The following DST variants were observed in gnomAD, a reference collection of about 807,000 sequenced individuals.
The protein encoded by DST is dystonin.
A neutral mutation model predicts 875.2 loss-of-function variants in DST; 253 were observed. The observed-to-expected ratio is 0.29, with a 90% CI of 0.26 to 0.32. The LOEUF (loss-of-function observed/expected upper bound fraction) is 0.32. Among genes scored for constraint, DST ranks in the 10% least tolerant of loss-of-function variants. DST has a pLI of 1.00. For synonymous variants in DST, 3,124 were observed against 3,197.1 expected (o/e 0.98, Z 0.77); for missense variants, 8,287 against 9,111.6 (o/e 0.91, Z 3.68).
Position 56,605,108 on chromosome 6 carries a change from G to A in DST, c.9520C>T (p.Pro3174Ser). The A allele has an allele frequency of 1.2e-6, 2 of 1,612,604 alleles. No homozygotes were observed. The highest frequency in any genetic ancestry group is 1.7e-6 in the Non-Finnish European group (2 of 1,179,290). Residue 3174 changes from proline to serine, a missense_variant, in exon 40 of 104, where the codon CCT (proline) becomes TCT (serine). Physicochemically the swap from Pro to Ser is moderately conservative, Grantham distance 74. Coordinates refer to ENST00000680361, the MANE Select transcript of DST (RefSeq NM_001374736.1). ...GTAAACAGATCAAGCTCTTTCTCAG[G>A]TCCATCAGTGAATGACTCCTCAAAA... ...THFEESFTDGPEKELDLFTYL... is the reference protein window; with the variant it reads ...THFEESFTDGSEKELDLFTYL...
chr6:56,910,761 A>T (rs985070715), intron 2 of DST, among the ~76,000 whole-genome samples: 2 of 152,206 alleles, frequency 1.3e-5, no homozygotes, highest in Non-Finnish European at 2.9e-5. Context: ...CTGGGATTAC[A>T]AGCATGAGCC....
Position 56,628,188 on chromosome 6 carries a change from C to T in DST, c.4476-27G>A, listed in dbSNP as rs1020514763. The T allele has an allele frequency of 1.2e-5, 20 of 1,601,450 alleles. No homozygotes were observed. The Middle Eastern group carries it at 1.3e-3, about 106-fold the overall frequency. On this transcript the variant is annotated intron_variant, in intron 32 of 103. Coordinates refer to ENST00000680361, the MANE Select transcript of DST (RefSeq NM_001374736.1). ...TAAGAGAATAGTAACCGAATAGTCA[C>T]GGTGTCCAGCGATATCCATCAGGAG... is the stretch of plus-strand genomic sequence containing the variant.
chr6:56,781,244 T>A (rs981799713), intron 4 of DST, among the ~76,000 whole-genome samples: 4 of 152,198 alleles, frequency 2.6e-5, no homozygotes, highest in Non-Finnish European at 5.9e-5. Context: ...AGTAGTTTTT[T>A]CCAATTCTGT....
chr6:56,648,517 C>T (rs1206772165), intron 13 of DST, 53 bp downstream of exon 13: 3 of 1,489,938 alleles, frequency 2.0e-6, no homozygotes, highest in African/African-American at 2.8e-5. Flanking sequence ...TATAGCATTA[C>T]TTAAGGGTTT....
At chr6:56,644,584 G>A (rs1191046783) in intron 15 of DST, among the ~76,000 whole-genome samples, 6 of 152,222 alleles carry the variant, frequency 3.9e-5, no homozygotes, top group South Asian at 4.1e-4. Context: ...AGCAATCACC[G>A]AAATAAATAT....
chr6:56,608,906 A>G lies in DST; in HGVS notation c.5722T>C (p.Ser1908Pro). ...ATATTTTGCCTTTCCAGAACTTTAG[A>G]AAATAATGCTGAGGAAACCAAGTTC... ...QQNLVSSALF[S>P]KVLERQNMCK... The change falls in exon 40 of 104, where the codon TCT becomes CCT. Residue 1908 changes from serine to proline, a missense_variant. Physicochemically the swap from Ser to Pro is moderately conservative, Grantham distance 74. This residue lies in a region of DST where 3,138 missense variants were observed against 3,116.6 expected (regional missense o/e 1.01). Transcript: ENST00000680361. 2.5e-6 allele frequency: 4 copies of G among 1,613,796 alleles called. No homozygotes were observed. Among genetic ancestry groups the G allele is most frequent in the Non-Finnish European group, 2.5e-6 (3 of 1,179,804 alleles).
intron 34 of DST, 137 bp downstream of exon 34, chr6:56,627,067 T>C: frequency 1.4e-6 from 1 of 714,342 alleles, no homozygotes; most frequent in Non-Finnish European, 2.5e-6. Flanking sequence ...TCACAAAGAA[T>C]TATTAGATAA....
In DST at chr6:56,552,739, A is replaced by T. The variant is rs774737726; in HGVS notation, c.16053T>A (p.Asp5351Glu). 1 of 1,611,722 alleles carries T rather than the reference A, an allele frequency of 6.2e-7. No individual in the cohort carries two copies. The highest frequency in any genetic ancestry group is 2.2e-5 in the East Asian group (1 of 44,880). Reference protein sequence around the residue: ...VEASDSKGTSDVLLQVETIAQ... With the variant: ...VEASDSKGTSEVLLQVETIAQ... ...CTATGGTTTCCACTTGTAATAAAACATCAGAGGTTCCCTTTGAGTCTGAGG... is the reference window on the plus strand; with the variant it reads ...CTATGGTTTCCACTTGTAATAAAACTTCAGAGGTTCCCTTTGAGTCTGAGG... Residue 5351 changes from aspartate (D) to glutamate (E), a missense_variant, in exon 61 of 104, where the codon GAT becomes GAA. Asp to Glu is a conservative substitution (Grantham distance 45). Coordinates refer to ENST00000680361, the MANE Select transcript of DST (RefSeq NM_001374736.1).
intron 4 of DST, among the ~76,000 whole-genome samples, chr6:56,797,818 C>CAAAA (rs34649685): frequency 1.6e-5 from 1 of 60,836 alleles, no homozygotes; most frequent in Non-Finnish European, 3.2e-5. Flanking sequence ...AACTCCGTCT[C>CAAAA]AAAAAAAAAA....
intron 4 of DST, among the ~76,000 whole-genome samples, chr6:56,774,401 A>G (rs2099673735): frequency 6.6e-6 from 1 of 152,168 alleles, no homozygotes; most frequent in Admixed American, 6.5e-5. Flanking sequence ...AAACCAAACC[A>G]AATATCACTT....
intron 4 of DST, among the ~76,000 whole-genome samples, chr6:56,811,088 G>A (rs1006328639): frequency 9.3e-5 from 14 of 151,200 alleles, no homozygotes; most frequent in Non-Finnish European, 1.0e-4. Context: ...GGAGGCTGAG[G>A]TGGGAGGATC....
chr6:56,868,383 C>T (rs1488514996), intron 3 of DST, among the ~76,000 whole-genome samples: 1 of 152,140 alleles, frequency 6.6e-6, no homozygotes, highest in East Asian at 1.9e-4. Context: ...ATCTCTAAAG[C>T]TTTTTTGATA....
At chr6:56,640,102 A>G (rs1475049637) in intron 18 of DST, 41 bp downstream of exon 18, 2 of 1,613,676 alleles carry the variant, frequency 1.2e-6, no homozygotes, top group Non-Finnish European at 1.7e-6. Flanking sequence ...ATTGATAACA[A>G]TAAAGACTGA....
At position 56,606,571 on chromosome 6, in the gene DST, T is replaced by C. The variant is rs1381575161; in HGVS notation, c.8057A>G (p.His2686Arg). The stretch of plus-strand genomic sequence containing the variant: ...ATCCATAAGGAAATCCTGAAGACAA[T>C]GTGCTTTGTTCTTCACACTTAAGCT... ...VGSLSVKNKA[H>R]CLQDFLMDVE... Residue 2686 changes from histidine (H) to arginine (R), a missense_variant, in exon 40 of 104, where the codon CAT (histidine) becomes CGT (arginine). Physicochemically the swap from His to Arg is conservative, Grantham distance 29 (BLOSUM62 0). Transcript: ENST00000680361. 6.2e-7 allele frequency: 1 copy of C among 1,613,538 alleles called. No homozygotes were observed.
At chr6:56,657,993 T>C (rs2099018695) in intron 10 of DST, among the ~76,000 whole-genome samples, 1 of 152,150 alleles carries the variant, frequency 6.6e-6, no homozygotes, top group Non-Finnish European at 1.5e-5. Flanking sequence ...CTCGAACCCC[T>C]GACCTCAAGT....
intron 90 of DST, among the ~76,000 whole-genome samples, chr6:56,479,735 G>A (rs927874942): frequency 3.3e-5 from 5 of 152,144 alleles, no homozygotes; most frequent in Admixed American, 2.6e-4. Flanking sequence ...GGGCGCACAT[G>A]GACATAAAGA....
intron 90 of DST, among the ~76,000 whole-genome samples, chr6:56,480,324 G>C (rs1317880927): frequency 6.6e-6 from 1 of 152,188 alleles, no homozygotes; most frequent in African/African-American, 2.4e-5. Flanking sequence ...TCTAACATCT[G>C]TGTTTCCCCT....
In DST at chr6:56,640,380, T is replaced by C. The variant is rs369018665; in HGVS notation, c.2253A>G (p.Ser751=). The change falls in exon 18 of 104, where the codon TCA becomes TCG. Residue 751 remains serine (S), a synonymous_variant. Coordinates refer to ENST00000680361, the MANE Select transcript of DST (RefSeq NM_001374736.1). ...GAGTCAGGCGGGAAGTCATCCCTGA[T>C]GACAGGCCAGAAGTCATACTAGAAG... ...LTSSSMTSGL[S]SGMTSRLTPS... The C allele has an allele frequency of 3.7e-6, 6 of 1,614,158 alleles. No homozygotes were observed. The highest frequency in any genetic ancestry group is 5.1e-6 in the Non-Finnish European group (6 of 1,180,010).
rs2097755600 is a variant in DST at position 56,569,924 on chromosome 6, T to C, written c.13810A>G (p.Lys4604Glu). The change falls in exon 54 of 104, where the codon AAA becomes GAA. Residue 4604 changes from lysine (K) to glutamate (E), a missense_variant. By Grantham distance (56) the Lys-to-Glu change is moderately conservative (BLOSUM62 1). This residue lies in a region of DST where 1,513 missense variants were observed against 1,677.8 expected (regional missense o/e 0.90). Transcript: ENST00000680361. ...GAAGGCTGTACAATGGGAACTTTTT[T>C]TGTTGTTTCTTTTATCCATGACTTC... is the stretch of plus-strand genomic sequence containing the variant. ...SLKSWIKETT[K>E]KVPIVQPSFG... 1 of 1,612,076 alleles carries C rather than the reference T, an allele frequency of 6.2e-7. No individual in the cohort carries two copies. The highest frequency in any genetic ancestry group is 8.5e-7 in the Non-Finnish European group (1 of 1,179,244).
Sources: gnomAD v4.1 joint callset for allele counts (sites outside exome capture counted in the v4.1 genomes callset) on GRCh38, gnomAD v4.1.1 for gene constraint, gnomAD v4.1.1 regional missense constraint, MANE v1.5 for transcripts, NCBI Gene and HGNC (gene_info 2026-07-23, HGNC 2026-07-21) for gene names.